Variants in RRP1 observed in about 807,000 individuals in gnomAD.
RRP1 encodes ribosomal RNA processing protein 1 homolog A.
RRP1 carries 37 observed loss-of-function variants against 54.6 expected under a neutral mutation model. The observed-to-expected ratio is 0.68, with a 90% CI of 0.52 to 0.89. The LOEUF (loss-of-function observed/expected upper bound fraction) is 0.89. Ranked by LOEUF, RRP1 falls within the 40% of genes least tolerant of loss-of-function variation. RRP1 has a pLI of 0.00. For missense variants in RRP1, 639 were observed against 612.5 expected (o/e 1.04, Z -0.46); for synonymous variants, 262 against 244.3 (o/e 1.07, Z -0.67).
chr21:43,792,128 C>G (rs2084966410), intron 2 of RRP1, among the ~76,000 whole-genome samples: 2 of 152,350 alleles, frequency 1.3e-5, no homozygotes, highest in South Asian at 4.1e-4. Context: ...CCTTCAAAAT[C>G]TCCTGGGTGG....
rs777815962 is a variant in RRP1 at position 43,793,442 on chromosome 21, C to T, written c.360+38C>T. The T allele has an allele frequency of 1.7e-5, 26 of 1,574,954 alleles. 1 individual carries two copies. Among genetic ancestry groups the T allele is most frequent in the Admixed American group, 1.2e-4 (7 of 59,770 alleles). On this transcript the variant is annotated intron_variant, in intron 4 of 12. Coordinates refer to ENST00000497547, the MANE Select transcript of RRP1 (RefSeq NM_003683.6). The stretch of plus-strand genomic sequence containing the variant: ...CCAGGGTGCCGGCGGGCGGGGGCAG[C>T]GCGGGTCTCAGTGCCTGGCCAAGCG...
intron 9 of RRP1, 83 bp from the exon 10 acceptor site, chr21:43,800,434 A>G (rs370254506): frequency 9.3e-6 from 12 of 1,294,856 alleles, no homozygotes; most frequent in Admixed American, 1.8e-5. Context: ...ACCAAGTGCT[A>G]TCTGGGTCTC....
chr21:43,797,819 G>A, intron 7 of RRP1, 88 bp from the exon 8 acceptor site: 1 of 1,561,956 alleles, frequency 6.4e-7, no homozygotes, highest in Non-Finnish European at 8.8e-7. Context: ...GGCCGTGTGG[G>A]TGGGGAGAGG....
chr21:43,792,678 T>G lies in RRP1; in HGVS notation c.223T>G (p.Leu75Val). Residue 75 changes from leucine (L) to valine (V), a missense_variant, in exon 3 of 13, where the codon TTA (leucine) becomes GTA (valine). By Grantham distance (32) the Leu-to-Val change is conservative. Coordinates refer to ENST00000497547, the MANE Select transcript of RRP1 (RefSeq NM_003683.6). The stretch of plus-strand genomic sequence containing the variant: ...TTTGTTGTTTCCTACACAGGAAGAA[T>G]TAGGAAGGACTATTTCCCAGCTCGT... ...MQDKPLLQEE[L>V]GRTISQLVHA... is the part of the protein sequence containing the mutation. 6.2e-7 allele frequency: 1 copy of G among 1,614,034 alleles called. No homozygotes were observed. Among genetic ancestry groups the G allele is most frequent in the Non-Finnish European group, 8.5e-7 (1 of 1,179,928 alleles).
intron 7 of RRP1, 87 bp downstream of exon 7, chr21:43,797,782 G>T (rs73224966): frequency 0.067 from 105,162 of 1,578,268 alleles, 4,272 homozygotes; most frequent in South Asian, 0.15. Context: ...CTCCCTCGAG[G>T]GATGAATCTG....
chr21:43,801,209 G>A (rs1470389442), intron 11 of RRP1, among the ~76,000 whole-genome samples: 3 of 152,174 alleles, frequency 2.0e-5, no homozygotes, highest in African/African-American at 7.2e-5. Flanking sequence ...GCAGCGCGTG[G>A]CGGATGGAAC....
At chr21:43,800,262 C>T (rs2085071747) in intron 9 of RRP1, among the ~76,000 whole-genome samples, 1 of 152,178 alleles carries the variant, frequency 6.6e-6, no homozygotes, top group Admixed American at 6.5e-5. Context: ...CTGCAGTGTG[C>T]CCCGCAGTGT....
chr21:43,797,643 C>G lies in RRP1; in HGVS notation c.565C>G (p.Gln189Glu). ...KVGAEELTAD[Q>E]NLKFIDPFCR... ...GCTTTCCCCGTAGCTTACGGCAGAC[C>G]AGAACCTGAAGTTCATCGACCCCTT... Residue 189 changes from glutamine to glutamate, a missense_variant, in exon 7 of 13, where the codon CAG (glutamine) becomes GAG (glutamate). Gln to Glu is a conservative substitution (Grantham distance 29, BLOSUM62 2). Transcript: ENST00000497547. 1 of 1,614,170 alleles carries G rather than the reference C, an allele frequency of 6.2e-7. No homozygotes were observed. Among genetic ancestry groups the G allele is most frequent in the Non-Finnish European group, 8.5e-7 (1 of 1,180,022 alleles).
At chr21:43,793,854 C>T (rs1362824422) in intron 4 of RRP1, among the ~76,000 whole-genome samples, 1 of 152,182 alleles carries the variant, frequency 6.6e-6, no homozygotes, top group Admixed American at 6.5e-5. Flanking sequence ...ATTGTATCCC[C>T]GTTCAGGGCA....
Position 43,803,713 on chromosome 21 carries a change from G to A in RRP1, c.1325G>A (p.Ser442Asn). 1 of 1,561,776 alleles carries A rather than the reference G, an allele frequency of 6.4e-7. No homozygotes were observed. Among genetic ancestry groups the A allele is most frequent in the Admixed American group, 1.9e-5 (1 of 52,182 alleles). The change falls in exon 13 of 13, where the codon AGT (serine) becomes AAT (asparagine). Residue 442 changes from serine (S) to asparagine (N), a missense_variant. Physicochemically the swap from Ser to Asn is conservative, Grantham distance 46. Transcript: ENST00000497547. ...AGGAGGACACCTCGGCCCCTGACCA[G>A]TGCCCGAGCAAAGGCGGCCAATGTC... ...QRRRTPRPLT[S>N]ARAKAANVQE...
Position 43,789,853 on chromosome 21 carries a change from G to A in RRP1, c.133+91G>A, listed in dbSNP as rs778796403. On this transcript the variant is annotated intron_variant, in intron 1 of 12. Transcript: ENST00000497547. ...GCGGCCGGAGCTGGGGGCCCTCCGAGCCCTGTGGAACCTCCACGTGGCCGG... is the reference window on the plus strand; with the variant it reads ...GCGGCCGGAGCTGGGGGCCCTCCGAACCCTGTGGAACCTCCACGTGGCCGG... The A allele has an allele frequency of 1.2e-3, 1,613 of 1,373,716 alleles. 12 individuals are homozygous for A. Among genetic ancestry groups the A allele is most frequent in the Admixed American group, 4.5e-4 (13 of 28,812 alleles). 85.1% of individuals were successfully genotyped at this position (1,373,716 alleles called of 1,614,324 possible).
intron 12 of RRP1, among the ~76,000 whole-genome samples, chr21:43,802,844 T>C (rs1269042350): frequency 1.3e-5 from 2 of 152,266 alleles, no homozygotes; most frequent in African/African-American, 2.4e-5. Context: ...ACGAGTGTGG[T>C]TGGCATGTGA....
rs1356423002 is a variant in RRP1 at position 43,792,698 on chromosome 21, G to C, written c.243G>C (p.Gln81His). 1 of 1,613,958 alleles carries C rather than the reference G, an allele frequency of 6.2e-7. No individual in the cohort carries two copies. Among genetic ancestry groups the C allele is most frequent in the African/African-American group, 1.3e-5 (1 of 74,916 alleles). The change falls in exon 3 of 13, where the codon CAG becomes CAC. Residue 81 changes from glutamine to histidine, a missense_variant. Physicochemically the swap from Gln to His is conservative, Grantham distance 24. Coordinates refer to ENST00000497547, the MANE Select transcript of RRP1 (RefSeq NM_003683.6). ...LQEELGRTIS[Q>H]LVHAFQTTEA... is the part of the protein sequence containing the mutation. ...AAGAATTAGGAAGGACTATTTCCCA[G>C]CTCGTTCATGCTTTTCAGACCACGG...
chr21:43,797,077 G>A (rs535902782), intron 5 of RRP1, among the ~76,000 whole-genome samples: 2 of 152,288 alleles, frequency 1.3e-5, no homozygotes, highest in South Asian at 2.1e-4. Context: ...AGGGCGTCTC[G>A]TCTCAGCCAA....
In RRP1 at chr21:43,802,275, C is replaced by T; in HGVS notation, c.1011C>T (p.Gly337=). ...VIRKLQDLAG[G]IFPEDEIPEK... The stretch of plus-strand genomic sequence containing the variant: ...CCTGACTTCTGCCCTGGTTCTCAGG[C>T]ATTTTCCCTGAAGATGAGATCCCAG... Residue 337 remains glycine (G), a splice_region_variant and synonymous_variant, in exon 12 of 13, where the codon GGC becomes GGT. Transcript: ENST00000497547. 6.2e-7 allele frequency: 1 copy of T among 1,611,634 alleles called. No homozygotes were observed. The highest frequency in any genetic ancestry group is 8.5e-7 in the Non-Finnish European group (1 of 1,178,172).
chr21:43,799,298 T>A (rs1253873139), intron 8 of RRP1, among the ~76,000 whole-genome samples: 3 of 151,778 alleles, frequency 2.0e-5, no homozygotes, highest in Admixed American at 6.6e-5. Flanking sequence ...CTGGGACATC[T>A]TTTTTTCCTT....
Position 43,803,516 on chromosome 21 carries a change from A to G in RRP1, c.1128A>G (p.Lys376=). 2 of 1,549,640 alleles carry G rather than the reference A, an allele frequency of 1.3e-6. No individual in the cohort carries two copies. The highest frequency in any genetic ancestry group is 1.7e-6 in the Non-Finnish European group (2 of 1,144,274). ...GGGGTCTTGCTGTTTTGTCAGGGAA[A>G]GGTGAGAAGGAGCCCCCGAGCCCGG... is the stretch of plus-strand genomic sequence containing the variant. ...RLLRLQQERG[K]GEKEPPSPGM... is the part of the protein sequence containing the mutation. The change falls in exon 13 of 13, where the codon AAA becomes AAG. Residue 376 remains lysine (K), a synonymous_variant. Coordinates refer to ENST00000497547, the MANE Select transcript of RRP1 (RefSeq NM_003683.6).
Position 43,803,434 on chromosome 21 carries a change from T to G in RRP1, c.1124-78T>G, listed in dbSNP as rs536715893. On this transcript the variant is annotated intron_variant, in intron 12 of 12. Coordinates refer to ENST00000497547, the MANE Select transcript of RRP1 (RefSeq NM_003683.6). ...TCCTCCCAGGTCTGTGGTGCTGGCA[T>G]CCTCAGCCTGAGTTGGAGTAAGTGG... 8 of 1,468,340 alleles carry G rather than the reference T, an allele frequency of 5.4e-6. No homozygotes were observed. The South Asian group carries it at 9.8e-5, about 18-fold the overall frequency. 91.0% of individuals were successfully genotyped at this position (1,468,340 alleles called of 1,614,324 possible).
intron 12 of RRP1, among the ~76,000 whole-genome samples, chr21:43,802,773 T>G (rs917861151): frequency 1.3e-5 from 2 of 152,150 alleles, no homozygotes; most frequent in Admixed American, 1.3e-4. Context: ...TCCCTCCACT[T>G]CTTCCCTCCA....
Sources: gnomAD v4.1 joint callset for allele counts (sites outside exome capture counted in the v4.1 genomes callset) on GRCh38, gnomAD v4.1.1 for gene constraint, MANE v1.5 for transcripts, NCBI Gene and HGNC (gene_info 2026-07-23, HGNC 2026-07-21) for gene names.